Variants in EPHB1 observed in about 807,000 individuals in gnomAD.
The protein encoded by EPHB1 is ephrin type-B receptor 1.
EPHB1 carries 30 observed loss-of-function variants against 94.4 expected under a neutral mutation model. The observed-to-expected ratio is 0.32, with a 90% CI of 0.24 to 0.43. The LOEUF is 0.43. Among genes scored for constraint, EPHB1 ranks in the 20% least tolerant of loss-of-function variants. EPHB1 has a pLI of 1.00. For missense variants in EPHB1, 1,055 were observed against 1,308.3 expected (o/e 0.81, Z 2.99); for synonymous variants, 522 against 489.1 (o/e 1.07, Z -0.89).
chr3:134,905,617 G>C (rs1397191178), intron 1 of EPHB1, among the ~76,000 whole-genome samples: 2 of 152,178 alleles, frequency 1.3e-5, no homozygotes, highest in Admixed American at 1.3e-4. Context: ...GTGGTGAGGT[G>C]GTTTTACAAG....
At chr3:134,939,983 G>A (rs2039081815) in intron 2 of EPHB1, among the ~76,000 whole-genome samples, 1 of 152,218 alleles carries the variant, frequency 6.6e-6, no homozygotes, top group Non-Finnish European at 1.5e-5. Flanking sequence ...GGTCTGAGCT[G>A]GTGGCTGACA....
chr3:134,807,552 G>A (rs112389724), intron 1 of EPHB1, among the ~76,000 whole-genome samples: 4 of 712 alleles, frequency 5.6e-3, no homozygotes, highest in Admixed American at 0.016. Flanking sequence ...AGAGAGAGAG[G>A]GGAGAGAGAG....
chr3:135,216,609 G>A (rs1250142225), intron 12 of EPHB1, among the ~76,000 whole-genome samples: 1 of 151,346 alleles, frequency 6.6e-6, no homozygotes, highest in African/African-American at 2.4e-5. Context: ...TGTAATCCCA[G>A]CTACTTGAGA....
intron 3 of EPHB1, among the ~76,000 whole-genome samples, chr3:135,053,367 A>G (rs946221023): frequency 6.6e-6 from 1 of 152,104 alleles, no homozygotes; most frequent in African/African-American, 2.4e-5. Context: ...ACAGTTTGGC[A>G]GTTACTCAAT....
intron 1 of EPHB1, among the ~76,000 whole-genome samples, chr3:134,904,177 C>T (rs2038265371): frequency 1.3e-5 from 2 of 152,174 alleles, no homozygotes; most frequent in Non-Finnish European, 1.5e-5. Context: ...GCCTGTAGCT[C>T]CCAGGCTTTC....
At chr3:135,108,975 G>T (rs1017849672) in intron 4 of EPHB1, among the ~76,000 whole-genome samples, 1 of 152,166 alleles carries the variant, frequency 6.6e-6, no homozygotes, top group African/African-American at 2.4e-5. Flanking sequence ...AGTAAGGGGA[G>T]GGGGTCATAT....
chr3:135,198,272 C>A (rs1398678978), intron 11 of EPHB1, among the ~76,000 whole-genome samples: 1 of 152,166 alleles, frequency 6.6e-6, no homozygotes, highest in Non-Finnish European at 1.5e-5. Context: ...TAACTCAAAC[C>A]CACACCGTGA....
At chr3:134,843,241 C>T (rs762351730) in intron 1 of EPHB1, among the ~76,000 whole-genome samples, 14 of 152,066 alleles carry the variant, frequency 9.2e-5, no homozygotes, top group Non-Finnish European at 1.3e-4. Context: ...CCATTGTTTC[C>T]GAAAAGAAGT....
At chr3:134,948,987 G>A (rs949139606) in intron 2 of EPHB1, among the ~76,000 whole-genome samples, 1 of 152,252 alleles carries the variant, frequency 6.6e-6, no homozygotes, top group Non-Finnish European at 1.5e-5. Flanking sequence ...CTGGGAGACA[G>A]AGTTGTGAGT....
intron 10 of EPHB1, among the ~76,000 whole-genome samples, chr3:135,181,282 G>C (rs1315099250): frequency 6.6e-6 from 1 of 152,176 alleles, no homozygotes; most frequent in African/African-American, 2.4e-5. Flanking sequence ...CAACCCCTCA[G>C]GAGTTTCAGC....
chr3:135,235,137 C>T (rs1220852668), intron 12 of EPHB1, among the ~76,000 whole-genome samples: 4 of 152,062 alleles, frequency 2.6e-5, no homozygotes, highest in African/African-American at 4.8e-5. Flanking sequence ...GAGTGGTGCC[C>T]GAGCATTGAT....
intron 1 of EPHB1, among the ~76,000 whole-genome samples, chr3:134,885,800 C>A (rs1182140653): frequency 6.6e-6 from 1 of 152,168 alleles, no homozygotes; most frequent in African/African-American, 2.4e-5. Flanking sequence ...ACCAAGGAAC[C>A]CCTTCAAGGA....
chr3:135,233,419 T>C (rs758566506), intron 12 of EPHB1, among the ~76,000 whole-genome samples: 1 of 152,252 alleles, frequency 6.6e-6, no homozygotes, highest in Non-Finnish European at 1.5e-5. Context: ...GTCATGCTGA[T>C]ACAAGAGGTG....
intron 12 of EPHB1, among the ~76,000 whole-genome samples, chr3:135,205,288 G>A (rs947167606): frequency 2.0e-5 from 3 of 151,842 alleles, no homozygotes; most frequent in Non-Finnish European, 4.4e-5. Context: ...TTTTTCTATC[G>A]GGTTGTTTGT....
intron 3 of EPHB1, among the ~76,000 whole-genome samples, chr3:134,998,488 C>A (rs1036340125): frequency 1.3e-5 from 2 of 152,184 alleles, no homozygotes. Flanking sequence ...TTAGGATGAG[C>A]ATGTACTAAG....
At chr3:134,966,614 G>T (rs1933756803) in intron 3 of EPHB1, among the ~76,000 whole-genome samples, 2 of 152,218 alleles carry the variant, frequency 1.3e-5, no homozygotes, top group Admixed American at 1.3e-4. Flanking sequence ...CTCTTCCCAG[G>T]CAGGGCTGGC....
intron 10 of EPHB1, among the ~76,000 whole-genome samples, chr3:135,181,073 A>T (rs1559864398): frequency 6.6e-6 from 1 of 152,212 alleles, no homozygotes; most frequent in Non-Finnish European, 1.5e-5. Flanking sequence ...GGGGAATGTC[A>T]CCATCTTTCT....
chr3:135,081,173 C>G (rs1938151144), intron 3 of EPHB1, among the ~76,000 whole-genome samples: 1 of 152,144 alleles, frequency 6.6e-6, no homozygotes, highest in South Asian at 2.1e-4. Flanking sequence ...ATCACCAGAG[C>G]ATGTGGAGTC....
intron 6 of EPHB1, among the ~76,000 whole-genome samples, chr3:135,160,864 G>A (rs923461820): frequency 2.0e-5 from 3 of 152,170 alleles, no homozygotes; most frequent in African/African-American, 7.2e-5. Flanking sequence ...GAGCCCTGGA[G>A]AGAGGCATTT....
Sources: gnomAD v4.1 joint callset for allele counts (sites outside exome capture counted in the v4.1 genomes callset) on GRCh38, gnomAD v4.1.1 for gene constraint, MANE v1.5 for transcripts, NCBI Gene and HGNC (gene_info 2026-07-23, HGNC 2026-07-21) for gene names.